Variants in RP1 observed in about 807,000 individuals in gnomAD.
RP1 encodes RP1 axonemal microtubule associated, also known as oxygen-regulated protein 1.
A neutral mutation model predicts 14.8 loss-of-function variants in RP1; 16 were observed. The observed-to-expected ratio is 1.08, with a 90% CI of 0.73 to 1.65. The LOEUF is 1.65. RP1 is among the 40% of genes most tolerant of loss of function. The probability of loss-of-function intolerance (pLI) is 0.00; values close to 1 mark genes in which losing one functional copy is unlikely to be tolerated. For missense variants in RP1, 2,631 were observed against 2,535.0 expected (o/e 1.04, Z -0.81); for synonymous variants, 876 against 883.6 (o/e 0.99, Z 0.15).
intron 17 of RP1, among the ~76,000 whole-genome samples, chr8:54,731,388 C>T (rs954237192): frequency 3.3e-5 from 5 of 152,014 alleles, no homozygotes; most frequent in African/African-American, 1.2e-4. Context: ...AATCCAGGGT[C>T]CCCATTAAAT....
rs1246062619 is a variant in RP1, at chr8:54,646,266, C to G, written c.788-2719C>G. ...TTCTTTTTTTTGGCTTCTTATTGTT[C>G]TCTTCCTCCTCCCTACTCTCTCCTT... On this transcript the variant is annotated intron_variant, in intron 3 of 22. Transcript: ENST00000636932. Among the ~76,000 whole-genome samples the G allele has an allele frequency of 4.6e-5, 7 of 151,326 alleles. No individual in the cohort carries two copies. The Admixed American group carries it at 4.6e-4, about 10-fold the overall frequency.
Position 54,626,112 on chromosome 8 carries a change from T to G in RP1, c.2230T>G (p.Cys744Gly), listed in dbSNP as rs758136498. 6.2e-7 allele frequency: 1 copy of G among 1,613,192 alleles called. No individual in the cohort carries two copies. The highest frequency in any genetic ancestry group is 1.7e-5 in the Admixed American group (1 of 59,982). Residue 744 changes from cysteine to glycine, a missense_variant, in exon 4 of 4, where the codon TGT becomes GGT. By Grantham distance (159) the Cys-to-Gly change is radical. Coordinates refer to ENST00000220676, the MANE Select transcript of RP1 (RefSeq NM_006269.2). Reference sequence around the variant, plus strand: ...TACTGTAATTGAATCAAATACTTTTTGTTCCAAAAGTAATCTCAATTCCAC... The same window carrying G: ...TACTGTAATTGAATCAAATACTTTTGGTTCCAAAAGTAATCTCAATTCCAC... ...SDTVIESNTF[C>G]SKSNLNSTIS...
chr8:54,691,902 G>T (rs932455801), intron 12 of RP1, among the ~76,000 whole-genome samples: 2 of 151,776 alleles, frequency 1.3e-5, no homozygotes, highest in Non-Finnish European at 2.9e-5. Flanking sequence ...TGCCATGTTC[G>T]TGTACAGCAC....
At chr8:54,802,680 C>A (rs914316044) in intron 24 of RP1, among the ~76,000 whole-genome samples, 1 of 152,172 alleles carries the variant, frequency 6.6e-6, no homozygotes, top group Non-Finnish European at 1.5e-5. Flanking sequence ...GGTTTAACAC[C>A]GTGCTCAGGT....
chr8:54,587,122 C>T (rs572071382), intron 1 of RP1, among the ~76,000 whole-genome samples: 4 of 152,210 alleles, frequency 2.6e-5, no homozygotes, highest in Non-Finnish European at 5.9e-5. Context: ...TGTTCCTATT[C>T]GGCCATCTTG....
intron 1 of RP1, among the ~76,000 whole-genome samples, chr8:54,568,800 A>G (rs1804462414): frequency 6.6e-6 from 1 of 152,254 alleles, no homozygotes; most frequent in South Asian, 2.1e-4. Context: ...CATAGTCACC[A>G]CAGGGGACAA....
rs1372452209 is a variant in RP1, at chr8:54,839,829, T to G, written c.3835+2160T>G. Among the ~76,000 whole-genome samples, 5 of 152,220 alleles carry G rather than the reference T, an allele frequency of 3.3e-5. No homozygotes were observed. In the East Asian group the frequency reaches 9.6e-4, roughly 29 times the overall value. Reference sequence around the variant, plus strand: ...AGAAAGATTTGGGGTAAGTCCTGCTTAATGAAATGATAAATGTAGAATAAT... The same window carrying G: ...AGAAAGATTTGGGGTAAGTCCTGCTGAATGAAATGATAAATGTAGAATAAT... On this transcript the variant is annotated intron_variant, in intron 25 of 28. Transcript: ENST00000637698.
chr8:54,820,779 T>C (rs1275978200), intron 24 of RP1, among the ~76,000 whole-genome samples: 1 of 152,112 alleles, frequency 6.6e-6, no homozygotes, highest in African/African-American at 2.4e-5. Flanking sequence ...GGTGTTTTCT[T>C]GTGTGGCTGG....
Position 54,626,022 on chromosome 8 carries a change from G to T in RP1, c.2140G>T (p.Val714Leu). 1 of 1,613,958 alleles carries T rather than the reference G, an allele frequency of 6.2e-7. No individual in the cohort carries two copies. The highest frequency in any genetic ancestry group is 8.5e-7 in the Non-Finnish European group (1 of 1,179,934). The change falls in exon 4 of 4, where the codon GTG becomes TTG. Residue 714 changes from valine (V) to leucine (L), a missense_variant. By Grantham distance (32) the Val-to-Leu change is conservative (BLOSUM62 1). Transcript: ENST00000220676. ...TKGRITKEMI[V>L]QDSDSPLKGG... ...AGGTAGAATTACAAAGGAAATGATA[G>T]TGCAAGATTCAGATAGTCCCCTTAA...
intron 12 of RP1, chr8:54,696,596 G>A (rs1807869782): frequency 2.7e-6 from 2 of 737,888 alleles, no homozygotes; most frequent in South Asian, 3.1e-5. Context: ...ACGTGACAAA[G>A]TACGTCTCAG....
At chr8:54,781,184 C>T in intron 23 of RP1, 1 of 284,712 alleles carries the variant, frequency 3.5e-6, no homozygotes, top group Non-Finnish European at 5.3e-6. Context: ...TGAAAGGGCA[C>T]AGCCTGAGTT....
At chr8:54,665,404 GT>G (rs1035842375) in intron 7 of RP1, among the ~76,000 whole-genome samples, 23 of 152,092 alleles carry the variant, frequency 1.5e-4, no homozygotes, top group African/African-American at 5.6e-4. Context: ...TACTGTCTTT[GT>G]TTTTAGTGGC....
chr8:54,571,782 TG>T (rs1804528720), intron 1 of RP1, among the ~76,000 whole-genome samples: 1 of 152,196 alleles, frequency 6.6e-6, no homozygotes, highest in Non-Finnish European at 1.5e-5. Context: ...CCTCAGCTCC[TG>T]GTGGTTTGCT....
At chr8:54,565,420 C>T (rs1434150922) in intron 1 of RP1, among the ~76,000 whole-genome samples, 1 of 152,154 alleles carries the variant, frequency 6.6e-6, no homozygotes, top group Non-Finnish European at 1.5e-5. Context: ...CAAAAATTAG[C>T]CTGGTGTGGT....
At chr8:54,738,912 A>C (rs1261279527) in intron 18 of RP1, 5 of 1,357,988 alleles carry the variant, frequency 3.7e-6, no homozygotes, top group African/African-American at 2.9e-5. Context: ...AAAAATTCTG[A>C]TAATTTTTTT....
At chr8:54,639,590 A>T (rs1225501574) in intron 3 of RP1, among the ~76,000 whole-genome samples, 1 of 152,108 alleles carries the variant, frequency 6.6e-6, no homozygotes, top group African/African-American at 2.4e-5. Context: ...TATTAGACTT[A>T]AATTTTAGCT....
chr8:54,754,534 C>A (rs1809452674), intron 19 of RP1, among the ~76,000 whole-genome samples: 1 of 152,130 alleles, frequency 6.6e-6, no homozygotes, highest in African/African-American at 2.4e-5. Flanking sequence ...GCCTAATAAA[C>A]AACTGATGGC....
downstream of RP1, among the ~76,000 whole-genome samples, chr8:54,631,924 C>A (rs969652586): frequency 6.6e-6 from 1 of 151,990 alleles, no homozygotes; most frequent in Admixed American, 6.5e-5. Context: ...TCACCGCAAC[C>A]CCTGCCTCCT....
At chr8:54,610,990 A>G (rs1412740450) in intron 1 of RP1, among the ~76,000 whole-genome samples, 1 of 152,202 alleles carries the variant, frequency 6.6e-6, no homozygotes, top group Non-Finnish European at 1.5e-5. Context: ...CATTTTTAAA[A>G]GACAGTTTTG....
Sources: gnomAD v4.1 joint callset for allele counts (sites outside exome capture counted in the v4.1 genomes callset) on GRCh38, gnomAD v4.1.1 for gene constraint, MANE v1.5 for transcripts, NCBI Gene and HGNC (gene_info 2026-07-23, HGNC 2026-07-21) for gene names.